Variants in FAM72C observed in about 807,000 individuals in gnomAD.
FAM72C encodes the protein RUMY family member 3.
FAM72C carries 1 observed loss-of-function variant against 5.2 expected under a neutral mutation model. The ratio of observed to expected loss-of-function variants is 0.19; its 90% CI spans 0.07 to 0.91. The LOEUF (loss-of-function observed/expected upper bound fraction) is 0.91, where lower values mean the gene tolerates loss of function less well. FAM72C is among the 40% of genes least tolerant of loss of function. FAM72C has a pLI of 0.66. For synonymous variants in FAM72C, 1 was observed against 21.8 expected, an observed-to-expected ratio of 0.05 and a Z score of 2.66; for missense variants, 4 against 66.0, an observed-to-expected ratio of 0.06 and a Z score of 3.25.
At chr1:143,965,530 GT>G (rs1661750210) in intron 2 of FAM72C, among the ~76,000 whole-genome samples, 1 of 98,362 alleles carries the variant, frequency 1.0e-5, no homozygotes, top group African/African-American at 4.2e-5. Context: ...CCCTTCAGAA[GT>G]TAGCTTCTAG....
chr1:143,958,158 T>C (rs1230817304), intron 3 of FAM72C, among the ~76,000 whole-genome samples: 1 of 127,916 alleles, frequency 7.8e-6, no homozygotes, highest in Non-Finnish European at 1.7e-5. Flanking sequence ...AAATTTTGTA[T>C]AGAATGTTAT....
chr1:143,965,997 T>A (rs1225555586), intron 2 of FAM72C, among the ~76,000 whole-genome samples: 1 of 105,212 alleles, frequency 9.5e-6, no homozygotes, highest in African/African-American at 3.2e-5. Flanking sequence ...AATAGCAACA[T>A]GAACTGTTTA....
intron 1 of FAM72C, among the ~76,000 whole-genome samples, chr1:143,970,596 AT>A (rs1275048400): frequency 8.9e-5 from 2 of 22,590 alleles, no homozygotes; most frequent in African/African-American, 3.1e-4. Context: ...TTGGTGCAAA[AT>A]TTCATGGATA....
intron 2 of FAM72C, among the ~76,000 whole-genome samples, chr1:143,967,739 C>T (rs2101709164): frequency 9.9e-6 from 1 of 100,588 alleles, no homozygotes; most frequent in Non-Finnish European, 2.1e-5. Context: ...AACTTTTATC[C>T]TCCTAAAATG....
Position 143,955,309 on chromosome 1 carries a change from A to G in FAM72C, c.*1078T>C, listed in dbSNP as rs1428665678. 2.8e-5 allele frequency: 4 copies of G among 144,604 alleles called. No individual in the cohort carries two copies. The East Asian group carries it at 8.4e-4, about 30-fold the overall frequency. 9.0% of individuals were successfully genotyped at this position (144,604 alleles called of 1,614,324 possible). A position where few individuals can be genotyped will look rare whatever the true frequency, so the allele number is the denominator to read the frequency against. On this transcript the variant is annotated 3_prime_UTR_variant, in exon 4 of 4. Transcript: ENST00000584486. The stretch of plus-strand genomic sequence containing the variant: ...ATATTCTATACTTTAAGTACCATTT[A>G]TTTATATTTTTACATACAATATGTG...
At chr1:143,965,547 A>T (rs1661750394) in intron 2 of FAM72C, among the ~76,000 whole-genome samples, 1 of 93,720 alleles carries the variant, frequency 1.1e-5, no homozygotes, top group Admixed American at 1.1e-4. Flanking sequence ...TCTAGATGCC[A>T]TAATGTTGTG....
chr1:143,960,778 A>AAAAAGAATTTTTTTTTTTT (rs1376281795), intron 3 of FAM72C, among the ~76,000 whole-genome samples: 1 of 143,212 alleles, frequency 7.0e-6, no homozygotes, highest in African/African-American at 2.6e-5. Context: ...TAACACAAGG[A>AAAAAGAATTTTTTTTTTTT]AAAAGAATTT....
intron 2 of FAM72C, among the ~76,000 whole-genome samples, chr1:143,966,768 C>T (rs1161842252): frequency 6.8e-6 from 1 of 146,098 alleles, no homozygotes; most frequent in African/African-American, 2.5e-5. Context: ...TGGCTCATGC[C>T]TGTAATCCCA....
chr1:143,959,158 T>C (rs1661526355), intron 3 of FAM72C, among the ~76,000 whole-genome samples: 1 of 139,364 alleles, frequency 7.2e-6, no homozygotes, highest in Admixed American at 7.0e-5. Context: ...CTGTGATACA[T>C]GTTTCTTATG....
At chr1:143,962,322 C>CTT (rs71252095) in intron 3 of FAM72C, among the ~76,000 whole-genome samples, 1 of 135,552 alleles carries the variant, frequency 7.4e-6, no homozygotes, top group African/African-American at 2.7e-5. Flanking sequence ...CCTCTTATTC[C>CTT]TTTTTTTTTT....
intron 3 of FAM72C, among the ~76,000 whole-genome samples, chr1:143,961,000 G>A (rs1158415006): frequency 7.7e-6 from 1 of 129,260 alleles, no homozygotes; most frequent in Non-Finnish European, 1.7e-5. Flanking sequence ...ATCTGTCTTG[G>A]CCTCCCAAAG....
rs1302667898 is a variant in FAM72C, at chr1:143,966,025, A to G, written c.231-1046T>C. On this transcript the variant is annotated intron_variant, in intron 2 of 3. Coordinates refer to ENST00000584486, the MANE Select transcript of FAM72C (RefSeq NM_001287385.2). ...ACTGTTTATACCTTGAGTTGTAAAA[A>G]TTCTTATTCAAGCTTAGTCTTACTC... Among the ~76,000 whole-genome samples, 5 of 96,358 alleles carry G rather than the reference A, an allele frequency of 5.2e-5. No individual in the cohort carries two copies. In the Admixed American group the frequency reaches 5.6e-4, roughly 11 times the overall value. The allele number at this position is 96,358 out of a possible 152,430, so 63.2% of individuals were successfully genotyped here. A position where few individuals can be genotyped will look rare whatever the true frequency, so the allele number is the denominator to read the frequency against.
intron 3 of FAM72C, among the ~76,000 whole-genome samples, chr1:143,960,544 A>G (rs1553517769): frequency 7.1e-6 from 1 of 141,424 alleles, no homozygotes; most frequent in Non-Finnish European, 1.6e-5. Flanking sequence ...CCTGACCAAC[A>G]TGGTGAAACC....
chr1:143,961,986 C>A (rs1223526153), intron 3 of FAM72C, among the ~76,000 whole-genome samples: 6 of 146,586 alleles, frequency 4.1e-5, no homozygotes, highest in Admixed American at 2.1e-4. Flanking sequence ...ATGAAGGTGG[C>A]TACACTAAAC....
intron 3 of FAM72C, among the ~76,000 whole-genome samples, chr1:143,962,060 G>A (rs1661654853): frequency 7.1e-6 from 1 of 140,506 alleles, no homozygotes; most frequent in Non-Finnish European, 1.6e-5. Context: ...TGTTGCCCAG[G>A]CTGGAGTGCA....
chr1:143,964,148 C>G lies in FAM72C; in HGVS notation c.355+707G>C, dbSNP rs587736412. ...AAGTATTTTTTGATTAAGGTATGCA[C>G]ATTGTTTTTTAAATGTCCTGCTATT... On this transcript the variant is annotated intron_variant, in intron 3 of 3. Coordinates refer to ENST00000584486, the MANE Select transcript of FAM72C (RefSeq NM_001287385.2). Among the ~76,000 whole-genome samples, 10 of 12,292 alleles carry G rather than the reference C, an allele frequency of 8.1e-4. 1 individual carries two copies. Among genetic ancestry groups the G allele is most frequent in the Non-Finnish European group, 1.6e-3 (9 of 5,494 alleles). 8.1% of individuals were successfully genotyped at this position (12,292 alleles called of 152,430 possible).
rs1179162042 is a variant in FAM72C at position 143,955,295 on chromosome 1, T to C, written c.*1092A>G. ...TAAACATTAGCCTTATATTCTATACTTTAAGTACCATTTATTTATATTTTT... is the reference window on the plus strand; with the variant it reads ...TAAACATTAGCCTTATATTCTATACCTTAAGTACCATTTATTTATATTTTT... On this transcript the variant is annotated 3_prime_UTR_variant, in exon 4 of 4. Transcript: ENST00000584486. 2.3e-4 allele frequency: 33 copies of C among 144,462 alleles called. 3 individuals carry two copies. Among genetic ancestry groups the C allele is most frequent in the Middle Eastern group, 3.5e-3 (1 of 288 alleles). 8.9% of individuals were successfully genotyped at this position (144,462 alleles called of 1,614,324 possible).
At chr1:143,973,116 C>CA (rs1285053697), upstream of FAM72C, among the ~76,000 whole-genome samples, 4 of 64,382 alleles carry the variant, frequency 6.2e-5, no homozygotes, top group Admixed American at 6.7e-4. Flanking sequence ...TGGCATCGCG[C>CA]GTAATCATCG....
chr1:143,959,874 G>A (rs1661551871), intron 3 of FAM72C, among the ~76,000 whole-genome samples: 1 of 135,858 alleles, frequency 7.4e-6, no homozygotes, highest in Non-Finnish European at 1.5e-5. Context: ...CTATTGAGAA[G>A]GCTGAGATGG....
Sources: gnomAD v4.1 joint callset for allele counts (sites outside exome capture counted in the v4.1 genomes callset) on GRCh38, gnomAD v4.1.1 for gene constraint, MANE v1.5 for transcripts, NCBI Gene and HGNC (gene_info 2026-07-23, HGNC 2026-07-21) for gene names.